DPH6: variants seen among roughly 807,000 people sequenced by gnomAD.
DPH6 encodes the protein diphthine--ammonia ligase.
A neutral mutation model predicts 38.2 loss-of-function variants in DPH6; 33 were observed. The ratio of observed to expected loss-of-function variants is 0.86; its 90% CI spans 0.65 to 1.15. The LOEUF (loss-of-function observed/expected upper bound fraction) is 1.15, where lower values mean the gene tolerates loss of function less well. Among genes scored for constraint, DPH6 ranks in the 50% most tolerant of loss-of-function variants. The probability of loss-of-function intolerance (pLI) is 0.00; values close to 1 mark genes in which losing one functional copy is unlikely to be tolerated. For synonymous variants in DPH6, 108 were observed against 103.0 expected (o/e 1.05, Z -0.30); for missense variants, 325 against 320.0 (o/e 1.02, Z -0.12).
chr15:35,340,864 A>G (rs188645564), intron 3 of DPH6, among the ~76,000 whole-genome samples: 1 of 152,024 alleles, frequency 6.6e-6, no homozygotes, highest in East Asian at 1.9e-4. Flanking sequence ...CTGGGGATTG[A>G]TCTTCTCATG....
chr15:35,253,840 G>A (rs970350055), intron 3 of DPH6, among the ~76,000 whole-genome samples: 2 of 152,190 alleles, frequency 1.3e-5, no homozygotes, highest in East Asian at 3.8e-4. Context: ...GAGGGCTGAG[G>A]CGGCAGAACG....
intron 3 of DPH6, chr15:35,298,809 C>A: frequency 8.9e-7 from 1 of 1,124,438 alleles, no homozygotes. Flanking sequence ...TGTCTTGTTC[C>A]TCGTACACTG....
In DPH6 at chr15:35,538,417, C is replaced by A; in HGVS notation, c.169G>T (p.Ala57Ser). 6.2e-7 allele frequency: 1 copy of A among 1,604,330 alleles called. No individual in the cohort carries two copies. Among genetic ancestry groups the A allele is most frequent in the Non-Finnish European group, 8.5e-7 (1 of 1,173,086 alleles). ...ATTGCTTCTGCATACAAGTCAATGGCATGGTGCCCCACTGTCTGATACATG... is the reference window on the plus strand; with the variant it reads ...ATTGCTTCTGCATACAAGTCAATGGAATGGTGCCCCACTGTCTGATACATG... Reference protein sequence around the residue: ...SYMYQTVGHHAIDLYAEAMAL... With the variant: ...SYMYQTVGHHSIDLYAEAMAL... Residue 57 changes from alanine to serine, a missense_variant, in exon 3 of 9, where the codon GCC becomes TCC. Physicochemically the swap from Ala to Ser is moderately conservative, Grantham distance 99. Transcript: ENST00000256538.
chr15:35,435,855 G>T (rs2053692470), intron 5 of DPH6, among the ~76,000 whole-genome samples: 1 of 152,048 alleles, frequency 6.6e-6, no homozygotes, highest in Admixed American at 6.5e-5. Flanking sequence ...TCTTCTGAGG[G>T]TAGAGGAAAC....
chr15:35,160,163 A>G, the DPH6 span, among the ~76,000 whole-genome samples: 4 of 152,038 alleles, frequency 2.6e-5, no homozygotes, highest in African/African-American at 9.7e-5. Flanking sequence ...GCAAATATGC[A>G]CATGCATCCC....
chr15:35,159,109 G>A, the DPH6 span, among the ~76,000 whole-genome samples: 4 of 151,858 alleles, frequency 2.6e-5, no homozygotes, highest in East Asian at 1.9e-4. Context: ...CCCAAATTCC[G>A]ACATTTCTCT....
At chr15:35,183,972 T>TA in the DPH6 span, among the ~76,000 whole-genome samples, 2 of 152,200 alleles carry the variant, frequency 1.3e-5, no homozygotes, top group Non-Finnish European at 2.9e-5. Context: ...AAAACACTGT[T>TA]AGAGAGATGA....
At chr15:35,147,621 T>C in the DPH6 span, among the ~76,000 whole-genome samples, 2 of 152,188 alleles carry the variant, frequency 1.3e-5, no homozygotes, top group Non-Finnish European at 2.9e-5. Context: ...AGGATCAAGA[T>C]GCTCTTTAAG....
At chr15:35,213,567 G>T (rs539278653), downstream of DPH6, among the ~76,000 whole-genome samples, 23 of 152,288 alleles carry the variant, frequency 1.5e-4, no homozygotes, top group South Asian at 3.5e-3. Context: ...AAAGGTCTAA[G>T]AATATCTTCT....
At chr15:35,233,578 A>G (rs1317620098) in intron 3 of DPH6, among the ~76,000 whole-genome samples, 1 of 152,220 alleles carries the variant, frequency 6.6e-6, no homozygotes, top group East Asian at 1.9e-4. Context: ...CCAGTGGCCT[A>G]AAGAACCCTG....
chr15:35,158,465 T>G, the DPH6 span, among the ~76,000 whole-genome samples: 1 of 152,050 alleles, frequency 6.6e-6, no homozygotes, highest in African/African-American at 2.4e-5. Context: ...TTCTAAACAT[T>G]CTTACAGCAA....
chr15:35,500,577 C>A (rs142429784), intron 3 of DPH6, among the ~76,000 whole-genome samples: 6 of 152,270 alleles, frequency 3.9e-5, no homozygotes, highest in Non-Finnish European at 7.4e-5. Context: ...TACTTGTTGA[C>A]ATGAAAGCTA....
intron 3 of DPH6, chr15:35,298,189 C>T: frequency 2.2e-6 from 1 of 446,232 alleles, no homozygotes; most frequent in Admixed American, 2.7e-5. Flanking sequence ...TCCTTCTTTT[C>T]TCGGCCTGCA....
chr15:35,225,214 T>C (rs1438155954), intron 3 of DPH6, among the ~76,000 whole-genome samples: 2 of 152,244 alleles, frequency 1.3e-5, no homozygotes, highest in Admixed American at 6.5e-5. Context: ...AGGATTTGGG[T>C]AAGAATACCA....
chr15:35,475,137 A>G (rs1320206856), intron 3 of DPH6, among the ~76,000 whole-genome samples: 5 of 151,956 alleles, frequency 3.3e-5, no homozygotes, highest in African/African-American at 4.8e-5. Context: ...TCCAGCTGAT[A>G]AACATTAAAT....
chr15:35,336,480 C>T (rs1056512735), intron 3 of DPH6, among the ~76,000 whole-genome samples: 6 of 152,114 alleles, frequency 3.9e-5, no homozygotes, highest in African/African-American at 9.7e-5. Context: ...GAAGGTTGTG[C>T]ATTCATCACG....
chr15:35,466,594 A>G (rs1233030532), intron 3 of DPH6, among the ~76,000 whole-genome samples: 1 of 152,196 alleles, frequency 6.6e-6, no homozygotes, highest in Non-Finnish European at 1.5e-5. Flanking sequence ...GACCATATTG[A>G]AATGTATACA....
chr15:35,347,597 A>ACTAAATATTTGAACTAAATATTTG (rs375987019), intron 3 of DPH6, among the ~76,000 whole-genome samples: 1 of 151,808 alleles, frequency 6.6e-6, no homozygotes, highest in Admixed American at 6.6e-5. Flanking sequence ...ATAAACTTGG[A>ACTAAATATTTGAACTAAATATTTG]GTCCAAATAT....
At chr15:35,232,075 G>A (rs1366651982) in intron 3 of DPH6, among the ~76,000 whole-genome samples, 1 of 152,150 alleles carries the variant, frequency 6.6e-6, no homozygotes, top group Non-Finnish European at 1.5e-5. Flanking sequence ...AAAGACAGGA[G>A]GTAGCAATCA....
Sources: gnomAD v4.1 joint callset for allele counts (sites outside exome capture counted in the v4.1 genomes callset) on GRCh38, gnomAD v4.1.1 for gene constraint, MANE v1.5 for transcripts, NCBI Gene and HGNC (gene_info 2026-07-23, HGNC 2026-07-21) for gene names.